PRRC2C: variants seen among roughly 807,000 people sequenced by gnomAD.
The protein encoded by PRRC2C is protein PRRC2C.
In PRRC2C, 72 loss-of-function variants were observed where a neutral mutation model predicts 317.2. The ratio of observed to expected loss-of-function variants is 0.23; its 90% CI spans 0.19 to 0.28. The LOEUF (loss-of-function observed/expected upper bound fraction) is 0.28. Among genes scored for constraint, PRRC2C ranks in the 10% least tolerant of loss-of-function variants. The probability of loss-of-function intolerance (pLI) is 1.00; values close to 1 mark genes in which losing one functional copy is unlikely to be tolerated. For missense variants in PRRC2C, 3,074 were observed against 3,459.7 expected, an observed-to-expected ratio of 0.89 and a Z score of 2.80; for synonymous variants, 1,296 against 1,205.9, an observed-to-expected ratio of 1.07 and a Z score of -1.55.
chr1:171,507,158 A>G (rs968662744), intron 1 of PRRC2C, among the ~76,000 whole-genome samples: 2 of 152,192 alleles, frequency 1.3e-5, no homozygotes, highest in African/African-American at 4.8e-5. Flanking sequence ...ACTGGGAAGA[A>G]CCGAGGTGGG....
intron 10 of PRRC2C, among the ~76,000 whole-genome samples, chr1:171,525,212 T>C (rs1272120226): frequency 1.3e-5 from 2 of 152,218 alleles, no homozygotes; most frequent in Non-Finnish European, 2.9e-5. Flanking sequence ...CCTTATGATA[T>C]AGCTCAATCA....
At chr1:171,525,630 T>C (rs1024654309) in intron 10 of PRRC2C, among the ~76,000 whole-genome samples, 3 of 152,182 alleles carry the variant, frequency 2.0e-5, no homozygotes, top group Non-Finnish European at 4.4e-5. Context: ...ACAGTTTCCT[T>C]GACAGGAAAA....
chr1:171,535,379 A>G (rs751500753), intron 12 of PRRC2C, 49 bp from the exon 13 acceptor site: 6 of 1,509,040 alleles, frequency 4.0e-6, no homozygotes, highest in Admixed American at 2.2e-5. Context: ...CCTGTGTTTG[A>G]TAAGTGTCAT....
intron 32 of PRRC2C, 150 bp from the exon 33 acceptor site, chr1:171,588,229 T>C: frequency 3.4e-6 from 3 of 883,114 alleles, no homozygotes; most frequent in Non-Finnish European, 5.3e-6. Flanking sequence ...CTCCAATGTC[T>C]CTCTTCTACC....
intron 1 of PRRC2C, among the ~76,000 whole-genome samples, chr1:171,502,159 C>T (rs184987064): frequency 3.3e-5 from 5 of 152,280 alleles, no homozygotes; most frequent in African/African-American, 1.2e-4. Flanking sequence ...GTGACTTTTG[C>T]CTACTCTGAT....
intron 19 of PRRC2C, among the ~76,000 whole-genome samples, chr1:171,558,616 A>G (rs986673550): frequency 6.6e-6 from 1 of 152,232 alleles, no homozygotes; most frequent in Non-Finnish European, 1.5e-5. Context: ...TCAGGGTACC[A>G]TGAACACCCA....
At chr1:171,503,137 G>A (rs1669456352) in intron 1 of PRRC2C, among the ~76,000 whole-genome samples, 1 of 152,204 alleles carries the variant, frequency 6.6e-6, no homozygotes, top group Non-Finnish European at 1.5e-5. Flanking sequence ...TTCCCATGCA[G>A]GTGCACAAAA....
intron 16 of PRRC2C, among the ~76,000 whole-genome samples, chr1:171,544,228 T>C (rs1678582240): frequency 6.6e-6 from 1 of 152,120 alleles, no homozygotes; most frequent in African/African-American, 2.4e-5. Context: ...GGTTCAAGCA[T>C]TTCTCCTGGC....
At chr1:171,591,498 G>A (rs1376563219) in intron 34 of PRRC2C, 89 bp from the exon 35 acceptor site, 1 of 1,490,966 alleles carries the variant, frequency 6.7e-7, no homozygotes, top group Non-Finnish European at 9.1e-7. Context: ...AAACTGATTT[G>A]TGATTGGTAA....
chr1:171,506,497 A>G (rs1670245738), intron 1 of PRRC2C, among the ~76,000 whole-genome samples: 1 of 150,470 alleles, frequency 6.6e-6, no homozygotes, highest in Admixed American at 6.6e-5. Context: ...TCAAATTTGT[A>G]CCATTTTGGC....
chr1:171,551,171 G>T (rs1680174960), intron 18 of PRRC2C, among the ~76,000 whole-genome samples: 1 of 152,208 alleles, frequency 6.6e-6, no homozygotes, highest in African/African-American at 2.4e-5. Flanking sequence ...TAACTGGTGT[G>T]AGATGGTATC....
chr1:171,498,301 C>T (rs1011929697), intron 1 of PRRC2C, among the ~76,000 whole-genome samples: 2 of 152,120 alleles, frequency 1.3e-5, no homozygotes, highest in African/African-American at 4.8e-5. Flanking sequence ...TCTGTTGGTA[C>T]TGAAGGCTGG....
rs1649282406 is a variant in PRRC2C at position 171,583,939 on chromosome 1, CT to C, written c.7410-14del. On this transcript the variant is annotated splice_polypyrimidine_tract_variant and intron_variant, in intron 28 of 34. Transcript: ENST00000647382. ...AAATTAACTTCTAACAATATTTTCTCTTTAATCCTTATGTAGATCTCAGCCA... is the reference window on the plus strand; with the variant it reads ...AAATTAACTTCTAACAATATTTTCTCTTAATCCTTATGTAGATCTCAGCCA... 6.3e-7 allele frequency: 1 copy of C among 1,591,172 alleles called. No individual in the cohort carries two copies. Among genetic ancestry groups the C allele is most frequent in the East Asian group, 2.2e-5 (1 of 44,730 alleles).
In PRRC2C at chr1:171,588,515, C is replaced by T. The variant is rs772450640; in HGVS notation, c.8199+10C>T. On this transcript the variant is annotated intron_variant, in intron 33 of 34. Coordinates refer to ENST00000647382, the MANE Select transcript of PRRC2C (RefSeq NM_001387844.1). ...ACAGTTTGCACCCCAGGTGGGCAGA[C>T]ATAATTAAGAAATGAGTATTATTTA... The T allele has an allele frequency of 3.1e-6, 5 of 1,611,974 alleles. No homozygotes were observed. In the Admixed American group the frequency reaches 8.4e-5, roughly 27 times the overall value.
intron 22 of PRRC2C, 98 bp from the exon 23 acceptor site, chr1:171,568,149 C>T: frequency 2.8e-6 from 4 of 1,413,076 alleles, no homozygotes; most frequent in South Asian, 3.1e-5. Flanking sequence ...CATGCCACTG[C>T]ACTCCAGCCT....
intron 18 of PRRC2C, among the ~76,000 whole-genome samples, chr1:171,552,033 A>G (rs1680345706): frequency 1.3e-5 from 2 of 152,178 alleles, no homozygotes; most frequent in Admixed American, 6.5e-5. Flanking sequence ...ATGGCATTGA[A>G]TCTGTAAATT....
chr1:171,561,709 A>G (rs1682749056), intron 20 of PRRC2C, among the ~76,000 whole-genome samples: 1 of 152,212 alleles, frequency 6.6e-6, no homozygotes, highest in Non-Finnish European at 1.5e-5. Flanking sequence ...TAAAAGTGCA[A>G]TTATTGTTTT....
intron 28 of PRRC2C, among the ~76,000 whole-genome samples, chr1:171,581,775 A>T (rs1648655066): frequency 6.6e-6 from 1 of 152,214 alleles, no homozygotes; most frequent in Non-Finnish European, 1.5e-5. Flanking sequence ...ATGATCCTAG[A>T]CTAGCATTCT....
intron 18 of PRRC2C, among the ~76,000 whole-genome samples, chr1:171,551,873 T>A (rs914562082): frequency 6.6e-6 from 1 of 152,184 alleles, no homozygotes; most frequent in Non-Finnish European, 1.5e-5. Context: ...AGACTTGTAG[T>A]GTAGTTTGAA....
Sources: allele counts gnomAD v4.1 joint callset (sites outside exome capture counted in the v4.1 genomes callset), GRCh38; gene constraint gnomAD v4.1.1; transcripts MANE v1.5; gene names NCBI Gene and HGNC (gene_info 2026-07-23, HGNC 2026-07-21).